OTUD7A: variants seen among roughly 807,000 people sequenced by gnomAD.
The protein encoded by OTUD7A is OTU deubiquitinase 7A, also known as OTU domain-containing protein 7A.
OTUD7A carries 12 observed loss-of-function variants against 65.7 expected under a neutral mutation model. That is an observed-to-expected ratio of 0.18 (90% CI 0.12 to 0.30). OTUD7A has a LOEUF of 0.30. Ranked by LOEUF, OTUD7A falls within the 10% of genes least tolerant of loss-of-function variation. The pLI, the probability that OTUD7A is intolerant of heterozygous loss-of-function variation, is 1.00. For synonymous variants in OTUD7A, 641 were observed against 586.3 expected, an observed-to-expected ratio of 1.09 and a Z score of -1.35; for missense variants, 1,148 against 1,304.8, an observed-to-expected ratio of 0.88 and a Z score of 1.85.
chr15:31,679,196 T>G (rs1397444207), intron 1 of OTUD7A, among the ~76,000 whole-genome samples: 1 of 152,240 alleles, frequency 6.6e-6, no homozygotes, highest in Non-Finnish European at 1.5e-5. Flanking sequence ...GTACCCCCAT[T>G]GTATCTAGGA....
intron 3 of OTUD7A, among the ~76,000 whole-genome samples, chr15:31,583,422 T>C (rs904275305): frequency 1.3e-5 from 2 of 152,138 alleles, no homozygotes; most frequent in African/African-American, 2.4e-5. Context: ...GATGCTGATA[T>C]GGTTTGGCTG....
chr15:31,850,524 C>T (rs559924288), intron 1 of OTUD7A, among the ~76,000 whole-genome samples: 13 of 151,814 alleles, frequency 8.6e-5, no homozygotes, highest in African/African-American at 2.4e-4. Context: ...CAAACCTGCA[C>T]GTTGTGCACA....
In OTUD7A at chr15:31,655,133, C is replaced by T. The variant is rs772949592; in HGVS notation, c.114G>A (p.Thr38=). The T allele has an allele frequency of 1.7e-5, 27 of 1,567,798 alleles. No individual in the cohort carries two copies. The highest frequency in any genetic ancestry group is 2.4e-5 in the South Asian group (2 of 81,764). ...DAVLSDFVRS[T]GAEPGLARDL... ...CTCTGGCCAGACCAGGTTCTGCCCCCGTGGACCGAACAAAGTCTGACAGGA... is the reference window on the plus strand; with the variant it reads ...CTCTGGCCAGACCAGGTTCTGCCCCTGTGGACCGAACAAAGTCTGACAGGA... The change falls in exon 3 of 13, where the codon ACG becomes ACA. Residue 38 remains threonine, a synonymous_variant. Transcript: ENST00000307050.
intron 3 of OTUD7A, among the ~76,000 whole-genome samples, chr15:31,613,730 C>G (rs1181646463): frequency 7.0e-6 from 1 of 143,436 alleles, no homozygotes; most frequent in African/African-American, 2.7e-5. Flanking sequence ...CTATGGAAAA[C>G]AGTATGGAGA....
chr15:31,623,570 T>G (rs1457062335), intron 3 of OTUD7A, among the ~76,000 whole-genome samples: 1 of 152,236 alleles, frequency 6.6e-6, no homozygotes, highest in East Asian at 1.9e-4. Context: ...GAGCCAGGCG[T>G]GGGATATAAT....
At chr15:31,866,730 G>A (rs1897885853) in intron 1 of OTUD7A, among the ~76,000 whole-genome samples, 1 of 152,172 alleles carries the variant, frequency 6.6e-6, no homozygotes, top group African/African-American at 2.4e-5. Context: ...AGCTTCTAAA[G>A]GGATTTGGCA....
At chr15:31,740,629 GA>G (rs200361442) in intron 1 of OTUD7A, among the ~76,000 whole-genome samples, 16 of 151,336 alleles carry the variant, frequency 1.1e-4, no homozygotes, top group Middle Eastern at 3.2e-3. Flanking sequence ...GTGAGAGGGG[GA>G]AAAAAAACAG....
At chr15:31,860,677 G>GTATATATATATATA (rs1555425282) in intron 1 of OTUD7A, among the ~76,000 whole-genome samples, 3,246 of 73,252 alleles carry the variant, frequency 0.044, 208 homozygotes, top group East Asian at 0.17. Context: ...ATGTATGTGT[G>GTATATATATATATA]TATATATATA....
At chr15:31,628,596 C>G (rs1453501012) in intron 3 of OTUD7A, among the ~76,000 whole-genome samples, 35 of 151,754 alleles carry the variant, frequency 2.3e-4, no homozygotes, top group Admixed American at 1.6e-3. Context: ...GGTTCCATAT[C>G]AACTTTAAAG....
At chr15:31,683,109 G>A (rs1892756511) in intron 1 of OTUD7A, among the ~76,000 whole-genome samples, 1 of 152,186 alleles carries the variant, frequency 6.6e-6, no homozygotes, top group South Asian at 2.1e-4. Flanking sequence ...ACAAATACAG[G>A]AGAATTTCAG....
rs1340704109 is a variant in OTUD7A at position 31,479,915 on chromosome 15, A to T, written c.*3379T>A. Reference sequence around the variant, plus strand: ...AGGTCCACAGTAATTTAGTGAATACAAAGTATTCATTTAAGAGGAAAGGTG... The same window carrying T: ...AGGTCCACAGTAATTTAGTGAATACTAAGTATTCATTTAAGAGGAAAGGTG... On this transcript the variant is annotated 3_prime_UTR_variant, in exon 13 of 13. Transcript: ENST00000307050. 2 of 152,270 alleles carry T rather than the reference A, an allele frequency of 1.3e-5. No individual in the cohort carries two copies. The highest frequency in any genetic ancestry group is 6.5e-5 in the Admixed American group (1 of 15,294). The allele number at this position is 152,270 out of a possible 1,614,324, so 9.4% of individuals were successfully genotyped here.
rs150629417 is a variant in OTUD7A at position 31,484,359 on chromosome 15, C to T, written c.1737G>A (p.Lys579=). The change falls in exon 13 of 13, where the codon AAG becomes AAA. Residue 579 remains lysine (K), a synonymous_variant. Transcript: ENST00000307050. This position sits in a 1 kb window ranked among gnomAD's most constrained non-coding sequence, Gnocchi z 4.5. ...TGCTGGCCGACGCACCAGACTCCTC[C>T]TTGCTGCCCTTGCGCGACTTGGCCT... ...EKKAKSRKGS[K]EESGASASTS... is the part of the protein sequence containing the mutation. 5.2e-5 allele frequency: 84 copies of T among 1,601,154 alleles called. No individual in the cohort carries two copies. In the African/African-American group the frequency reaches 9.7e-4, roughly 19 times the overall value.
At chr15:31,860,699 ATGTATG>A (rs1567060014) in intron 1 of OTUD7A, among the ~76,000 whole-genome samples, 76 of 128,674 alleles carry the variant, frequency 5.9e-4, no homozygotes, top group East Asian at 1.6e-3. Flanking sequence ...ATATATATAT[ATGTATG>A]TATATATATA....
chr15:31,869,211 G>T (rs144331874), intron 1 of OTUD7A, among the ~76,000 whole-genome samples: 1 of 152,112 alleles, frequency 6.6e-6, no homozygotes, highest in African/African-American at 2.4e-5. Flanking sequence ...TGAGTGTGCC[G>T]TGCAGATCTA....
At chr15:31,771,283 T>C (rs2140913620) in intron 1 of OTUD7A, among the ~76,000 whole-genome samples, 1 of 152,334 alleles carries the variant, frequency 6.6e-6, no homozygotes, top group South Asian at 2.1e-4. Context: ...ACCGGTTTAT[T>C]GGACTATCTA....
intron 10 of OTUD7A, among the ~76,000 whole-genome samples, chr15:31,500,055 C>T (rs1291507881): frequency 1.3e-5 from 2 of 152,234 alleles, no homozygotes; most frequent in Non-Finnish European, 2.9e-5. Context: ...ATGCTCGGAA[C>T]TGGGAGACGC....
chr15:31,535,497 C>T (rs112167926), intron 5 of OTUD7A, among the ~76,000 whole-genome samples: 1,912 of 152,174 alleles, frequency 0.013, 12 homozygotes, highest in Non-Finnish European at 0.021. Context: ...CCTACCTTTA[C>T]CATATGACCC....
chr15:31,734,254 G>T (rs553595444), intron 1 of OTUD7A, among the ~76,000 whole-genome samples: 11 of 152,236 alleles, frequency 7.2e-5, no homozygotes, highest in Admixed American at 1.3e-4. Flanking sequence ...GAAATCAGAA[G>T]TGACACAAAC....
chr15:31,840,609 G>T (rs922868039), intron 1 of OTUD7A, among the ~76,000 whole-genome samples: 2 of 151,970 alleles, frequency 1.3e-5, no homozygotes, highest in Non-Finnish European at 2.9e-5. Context: ...ACTGTTTTTC[G>T]GTCTTTTTTT....
Sources: allele counts gnomAD v4.1 joint callset (sites outside exome capture counted in the v4.1 genomes callset), GRCh38; gene constraint gnomAD v4.1.1; non-coding constraint Gnocchi (gnomAD v3.1); transcripts MANE v1.5; gene names NCBI Gene and HGNC (gene_info 2026-07-23, HGNC 2026-07-21).